USP6NL: variants seen among roughly 807,000 people sequenced by gnomAD.
USP6NL encodes USP6 N-terminal-like protein.
A neutral mutation model predicts 61.9 loss-of-function variants in USP6NL; 26 were observed. The ratio of observed to expected loss-of-function variants is 0.42; its 90% confidence interval spans 0.31 to 0.58. The LOEUF is 0.58. USP6NL is among the 20% of genes least tolerant of loss of function. The probability of loss-of-function intolerance (pLI) is 0.16; values close to 1 mark genes in which losing one functional copy is unlikely to be tolerated. For synonymous variants in USP6NL, 432 were observed against 390.1 expected, an observed-to-expected ratio of 1.11 and a Z score of -1.27; for missense variants, 1,114 against 1,034.3, an observed-to-expected ratio of 1.08 and a Z score of -1.06.
chr10:11,607,071 G>A (rs1391872326), intron 1 of USP6NL, among the ~76,000 whole-genome samples: 17 of 152,146 alleles, frequency 1.1e-4, no homozygotes, highest in African/African-American at 2.2e-4. Flanking sequence ...TTATAGGAGT[G>A]AGCTATCACA....
chr10:11,604,696 T>TA (rs1838652625), intron 1 of USP6NL, among the ~76,000 whole-genome samples: 1 of 152,200 alleles, frequency 6.6e-6, no homozygotes, highest in Admixed American at 6.5e-5. Flanking sequence ...GAACAATTTC[T>TA]AAAAAAATTC....
intron 2 of USP6NL, among the ~76,000 whole-genome samples, chr10:11,541,829 A>G (rs1836078034): frequency 6.6e-6 from 1 of 152,208 alleles, no homozygotes; most frequent in Admixed American, 6.5e-5. Context: ...GACAGAAAAG[A>G]CACTGGAATG....
Position 11,482,646 on chromosome 10 carries a change from T to C in USP6NL, c.926-724A>G, listed in dbSNP as rs1833247792. Among the ~76,000 whole-genome samples, 1 of 152,256 alleles carries C rather than the reference T, an allele frequency of 6.6e-6. No homozygotes were observed. The highest frequency in any genetic ancestry group is 1.5e-5 in the Non-Finnish European group (1 of 68,040). Reference sequence around the variant, plus strand: ...CTCTCATTTCAACAAATATGATGTGTACTATATGTAAGCATTGTAATTTAC... The same window carrying C: ...CTCTCATTTCAACAAATATGATGTGCACTATATGTAAGCATTGTAATTTAC... On this transcript the variant is annotated intron_variant, in intron 13 of 14. Coordinates refer to ENST00000609104, the MANE Select transcript of USP6NL (RefSeq NM_014688.5). This position sits in a 1 kb window ranked among gnomAD's most constrained non-coding sequence, Gnocchi z 4.0.
At chr10:11,467,546 C>T (rs1043738956) in intron 14 of USP6NL, among the ~76,000 whole-genome samples, 11 of 152,106 alleles carry the variant, frequency 7.2e-5, no homozygotes, top group East Asian at 1.9e-4. Flanking sequence ...TTGTGAAATT[C>T]AGTAACAATT....
intron 2 of USP6NL, among the ~76,000 whole-genome samples, chr10:11,555,471 A>AAAGAGAGAGAGAG (rs1836674478): frequency 1.6e-5 from 1 of 62,214 alleles, no homozygotes; most frequent in African/African-American, 7.1e-5. Context: ...GAGAGAGAGA[A>AAAGAGAGAGAGAG]AGAGAGAGAG....
intron 5 of USP6NL, 141 bp from the exon 6 acceptor site, chr10:11,509,816 G>T: frequency 1.5e-6 from 1 of 661,470 alleles, no homozygotes; most frequent in Non-Finnish European, 2.5e-6. Context: ...GTAAAAAGTT[G>T]GATAATATCA....
intron 13 of USP6NL, 99 bp downstream of exon 13, chr10:11,484,872 T>C: frequency 1.1e-6 from 1 of 935,076 alleles, no homozygotes; most frequent in Non-Finnish European, 1.5e-6. Flanking sequence ...TAAACCACTA[T>C]TAAAAGACAA....
rs1190590460 is a variant in USP6NL, at chr10:11,591,571, C to G, written c.4+6060G>C. ...AATCACCAAATAAAAGGAAAACAGA[C>G]TTTCACAGAAAATGTTTTGTTTAAA... On this transcript the variant is annotated intron_variant, in intron 2 of 14. Coordinates refer to ENST00000609104, the MANE Select transcript of USP6NL (RefSeq NM_014688.5). This position sits in a 1 kb window ranked among gnomAD's most constrained non-coding sequence, Gnocchi z 4.7. Among the ~76,000 whole-genome samples, 1 of 151,980 alleles carries G rather than the reference C, an allele frequency of 6.6e-6. No individual in the cohort carries two copies. Among genetic ancestry groups the G allele is most frequent in the African/African-American group, 2.4e-5 (1 of 41,422 alleles).
At chr10:11,572,192 C>T (rs1008056616) in intron 2 of USP6NL, among the ~76,000 whole-genome samples, 7 of 151,860 alleles carry the variant, frequency 4.6e-5, no homozygotes, top group African/African-American at 1.7e-4. Context: ...GGTCAAACTA[C>T]ATAAATCTGA....
At chr10:11,542,100 T>C (rs1165386397) in intron 2 of USP6NL, among the ~76,000 whole-genome samples, 1 of 152,122 alleles carries the variant, frequency 6.6e-6, no homozygotes, top group Non-Finnish European at 1.5e-5. Context: ...ATTAAGTGAA[T>C]GACAATCAGA....
At chr10:11,582,516 T>C (rs1588410216) in intron 2 of USP6NL, among the ~76,000 whole-genome samples, 1 of 152,210 alleles carries the variant, frequency 6.6e-6, no homozygotes, top group East Asian at 1.9e-4. Context: ...AAAATAAAAA[T>C]TCATTGACAA....
rs188072868 is a variant in USP6NL at position 11,477,457 on chromosome 10, G to C, written c.1078+4313C>G. On this transcript the variant is annotated intron_variant, in intron 14 of 14. Coordinates refer to ENST00000609104, the MANE Select transcript of USP6NL (RefSeq NM_014688.5). Reference sequence around the variant, plus strand: ...TATAAATGACCAAATGACCCACATTGACCTTAGAAGATAAATCAAAACATT... The same window carrying C: ...TATAAATGACCAAATGACCCACATTCACCTTAGAAGATAAATCAAAACATT... Among the ~76,000 whole-genome samples, 61 of 152,244 alleles carry C rather than the reference G, an allele frequency of 4.0e-4. 1 individual carries two copies. The highest frequency in any genetic ancestry group is 3.7e-3 in the Admixed American group (57 of 15,296).
chr10:11,559,972 G>C (rs1228673059), intron 2 of USP6NL, among the ~76,000 whole-genome samples: 2 of 151,950 alleles, frequency 1.3e-5, no homozygotes, highest in African/African-American at 4.8e-5. Context: ...AGACTGATAA[G>C]GCAATAAAAT....
chr10:11,462,354 G>A lies in USP6NL; in HGVS notation c.*87C>T. ...AGAGATGTGCGAGTTGTTTACAATA[G>A]TATAAATACTGCTTTGGCAATTATG... On this transcript the variant is annotated 3_prime_UTR_variant, in exon 15 of 15. Coordinates refer to ENST00000609104, the MANE Select transcript of USP6NL (RefSeq NM_014688.5). 1 of 1,432,266 alleles carries A rather than the reference G, an allele frequency of 7.0e-7. No homozygotes were observed. The highest frequency in any genetic ancestry group is 9.4e-7 in the Non-Finnish European group (1 of 1,068,248). 88.7% of individuals were successfully genotyped at this position (1,432,266 alleles called of 1,614,324 possible).
intron 2 of USP6NL, among the ~76,000 whole-genome samples, chr10:11,536,725 G>T (rs1025304931): frequency 6.6e-6 from 1 of 151,906 alleles, no homozygotes; most frequent in Non-Finnish European, 1.5e-5. Context: ...ACTTCCCCGC[G>T]GTCCAACCCA....
At chr10:11,594,699 C>CA (rs1838268686) in intron 2 of USP6NL, among the ~76,000 whole-genome samples, 1 of 152,208 alleles carries the variant, frequency 6.6e-6, no homozygotes, top group African/African-American at 2.4e-5. Context: ...ACACTCTTCT[C>CA]ACGGCAACAG....
At chr10:11,526,650 G>A (rs941597048) in intron 3 of USP6NL, among the ~76,000 whole-genome samples, 2 of 152,202 alleles carry the variant, frequency 1.3e-5, no homozygotes, top group African/African-American at 4.8e-5. Context: ...CAGTGCAGGT[G>A]ACTTTCTATG....
chr10:11,610,620 C>CTT (rs76285323), intron 1 of USP6NL, among the ~76,000 whole-genome samples: 1 of 143,706 alleles, frequency 7.0e-6, no homozygotes, highest in Non-Finnish European at 1.5e-5. Context: ...GGCGTCCTCA[C>CTT]TTTTTTTTTT....
chr10:11,560,833 A>G (rs1231078228), intron 2 of USP6NL, among the ~76,000 whole-genome samples: 1 of 151,574 alleles, frequency 6.6e-6, no homozygotes. Context: ...AACAATTTTT[A>G]GGTACAATTA....
Sources: allele counts gnomAD v4.1 joint callset (sites outside exome capture counted in the v4.1 genomes callset), GRCh38; gene constraint gnomAD v4.1.1; non-coding constraint Gnocchi (gnomAD v3.1); transcripts MANE v1.5; gene names NCBI Gene and HGNC (gene_info 2026-07-23, HGNC 2026-07-21).